The following CDH5 variants were observed in gnomAD, a reference collection of about 807,000 sequenced individuals.
The protein encoded by CDH5 is cadherin-5.
CDH5 carries 28 observed loss-of-function variants against 62.0 expected under a neutral mutation model. That is an observed-to-expected ratio of 0.45 (90% CI 0.33 to 0.62). The LOEUF is 0.62. Ranked by LOEUF, CDH5 falls within the 20% of genes least tolerant of loss-of-function variation. The pLI is 0.02. For synonymous variants in CDH5, 464 were observed against 445.8 expected, an observed-to-expected ratio of 1.04 and a Z score of -0.52; for missense variants, 940 against 1,065.1, an observed-to-expected ratio of 0.88 and a Z score of 1.63.
In CDH5 at chr16:66,386,827, C is replaced by T. The variant is rs1342694698; in HGVS notation, c.229C>T (p.Arg77Cys). ...HVGKIKSSVS[R>C]KNAKYLLKGE... is the part of the protein sequence containing the mutation. Reference sequence around the variant, plus strand: ...TTTCTAGATCAAGTCAAGCGTGAGTCGCAAGAATGCCAAGTACCTGCTCAA... The same window carrying T: ...TTTCTAGATCAAGTCAAGCGTGAGTTGCAAGAATGCCAAGTACCTGCTCAA... Residue 77 changes from arginine (R) to cysteine (C), a missense_variant, in exon 3 of 12, where the codon CGC (arginine) becomes TGC (cysteine). Physicochemically the swap from Arg to Cys is radical, Grantham distance 180 (BLOSUM62 -3). Transcript: ENST00000341529. 8.7e-6 allele frequency: 14 copies of T among 1,610,938 alleles called. No individual in the cohort carries two copies. Among genetic ancestry groups the T allele is most frequent in the Admixed American group, 5.0e-5 (3 of 59,718 alleles).
At chr16:66,397,575 T>C (rs1182902301) in intron 8 of CDH5, among the ~76,000 whole-genome samples, 2 of 152,188 alleles carry the variant, frequency 1.3e-5, no homozygotes, top group Non-Finnish European at 2.9e-5. Flanking sequence ...GCATTGTCAG[T>C]GGCCATCCAT....
rs766449573 is a variant in CDH5 at position 66,392,222 on chromosome 16, C to T, written c.1056C>T (p.Pro352=). The T allele has an allele frequency of 1.8e-5, 29 of 1,614,008 alleles. No homozygotes were observed. The highest frequency in any genetic ancestry group is 1.2e-4 in the South Asian group (11 of 91,070). Residue 352 remains proline (P), a synonymous_variant, in exon 7 of 12, where the codon CCC becomes CCT. Transcript: ENST00000341529. ...TCGACCTCCGATACATGAGCCCTCC[C>T]GCGGGAAACAGAGCCCAGGTCATTA... ...PTIDLRYMSP[P]AGNRAQVIIN...
In CDH5 at chr16:66,402,746, C is replaced by T. The variant is rs781720768; in HGVS notation, c.1932C>T (p.Thr644=). 1.9e-6 allele frequency: 3 copies of T among 1,609,838 alleles called. No homozygotes were observed. The highest frequency in any genetic ancestry group is 2.5e-6 in the Non-Finnish European group (3 of 1,178,936). ...CGGAGATCCACGAGCAGCTGGTCAC[C>T]TACGACGAGGAGGGCGGCGGCGAGA... The part of the protein sequence containing the change: ...SVPEIHEQLV[T]YDEEGGGEMD... The change falls in exon 12 of 12, where the codon ACC becomes ACT. Residue 644 remains threonine (T), a synonymous_variant. Transcript: ENST00000341529.
intron 1 of CDH5, among the ~76,000 whole-genome samples, chr16:66,372,252 C>T (rs1196382461): frequency 6.6e-6 from 1 of 152,246 alleles, no homozygotes; most frequent in African/African-American, 2.4e-5. Context: ...TCCCTCTCTC[C>T]CACGGAAGTG....
At chr16:66,398,212 G>C in intron 9 of CDH5, 106 bp downstream of exon 9, 2 of 1,342,498 alleles carry the variant, frequency 1.5e-6, no homozygotes, top group Non-Finnish European at 2.1e-6. Context: ...CAATAGCCTT[G>C]AGGAAAATAA....
intron 9 of CDH5, 43 bp from the exon 10 acceptor site, chr16:66,398,413 C>G: frequency 8.0e-7 from 1 of 1,251,654 alleles, no homozygotes; most frequent in Non-Finnish European, 1.2e-6. Context: ...CACCCCACCA[C>G]CCCACCACCA....
chr16:66,402,806 C>G lies in CDH5; in HGVS notation c.1992C>G (p.Asn664Lys). ...CCAGCTACGATGTGTCGGTGCTCAA[C>G]TCGGTGCGCCGCGGCGGGGCCAAGC... The part of the protein sequence containing the change: ...DTTSYDVSVL[N>K]SVRRGGAKPP... The change falls in exon 12 of 12, where the codon AAC becomes AAG. Residue 664 changes from asparagine to lysine, a missense_variant. Asn to Lys is a moderately conservative substitution (Grantham distance 94, BLOSUM62 0). Coordinates refer to ENST00000341529, the MANE Select transcript of CDH5 (RefSeq NM_001795.5). The G allele has an allele frequency of 6.2e-7, 1 of 1,601,326 alleles. No individual in the cohort carries two copies. The highest frequency in any genetic ancestry group is 8.5e-7 in the Non-Finnish European group (1 of 1,174,858).
At chr16:66,389,289 G>A (rs1461647816) in intron 4 of CDH5, 69 bp from the exon 5 acceptor site, 1 of 1,498,218 alleles carries the variant, frequency 6.7e-7, no homozygotes, top group Non-Finnish European at 9.1e-7. Context: ...GGTTCTCTCT[G>A]GGCAGGCCCT....
In CDH5 at chr16:66,392,391, G is replaced by C; in HGVS notation, c.1217+8G>C. 6.2e-7 allele frequency: 1 copy of C among 1,613,958 alleles called. No individual in the cohort carries two copies. Among genetic ancestry groups the C allele is most frequent in the Non-Finnish European group, 8.5e-7 (1 of 1,179,880 alleles). ...GGCTAGGCATAGCATTGGGTAAGGG[G>C]GCGTGTGTCGATGAGAATGATAAGG... On this transcript the variant is annotated splice_region_variant and intron_variant, in intron 7 of 11. Transcript: ENST00000341529.
At chr16:66,378,487 C>CA (rs1298553251) in intron 1 of CDH5, among the ~76,000 whole-genome samples, 10 of 152,088 alleles carry the variant, frequency 6.6e-5, no homozygotes, top group Admixed American at 6.5e-5. Context: ...CAGTGCCAGG[C>CA]AAAAAATAAA....
At position 66,402,844 on chromosome 16, in the gene CDH5, C is replaced by A. The variant is rs1201962235; in HGVS notation, c.2030C>A (p.Ala677Glu). The change falls in exon 12 of 12, where the codon GCG (alanine) becomes GAG (glutamate). Residue 677 changes from alanine to glutamate, a missense_variant. Ala to Glu is a moderately radical substitution (Grantham distance 107). Transcript: ENST00000341529. ...GGCGGGGCCAAGCCCCCGCGGCCCG[C>A]GCTGGACGCCCGGCCTTCCCTCTAT... ...RRGGAKPPRP[A>E]LDARPSLYAQ... 1 of 1,600,880 alleles carries A rather than the reference C, an allele frequency of 6.2e-7. No homozygotes were observed. Among genetic ancestry groups the A allele is most frequent in the Non-Finnish European group, 8.5e-7 (1 of 1,174,670 alleles).
intron 10 of CDH5, among the ~76,000 whole-genome samples, chr16:66,399,604 A>AT (rs1961246677): frequency 1.3e-5 from 2 of 152,212 alleles, no homozygotes; most frequent in Admixed American, 6.5e-5. Context: ...AGACCATTCA[A>AT]CACCCAGTTG....
chr16:66,403,404 T>A lies in CDH5; in HGVS notation c.*235T>A, dbSNP rs904303581. ...TGCTGGCAAATCCAGGCTGGTGTTC[T>A]GTCTGGGCTCAGACATCCACATAAC... On this transcript the variant is annotated 3_prime_UTR_variant, in exon 12 of 12. Coordinates refer to ENST00000341529, the MANE Select transcript of CDH5 (RefSeq NM_001795.5). This position sits in a 1 kb window ranked among gnomAD's most constrained non-coding sequence, Gnocchi z 4.3. The A allele has an allele frequency of 8.9e-6, 5 of 558,858 alleles. No homozygotes were observed. The highest frequency in any genetic ancestry group is 1.3e-5 in the Non-Finnish European group (4 of 311,718). 34.6% of individuals were successfully genotyped at this position (558,858 alleles called of 1,614,324 possible).
chr16:66,376,477 G>A (rs532333326), intron 1 of CDH5: 27 of 152,300 alleles, frequency 1.8e-4, no homozygotes, highest in Non-Finnish European at 2.5e-4. Context: ...GGGGTTCCCA[G>A]CAGGAAACAG....
chr16:66,395,925 G>C, intron 7 of CDH5, 134 bp from the exon 8 acceptor site: 1 of 800,622 alleles, frequency 1.2e-6, no homozygotes, highest in Admixed American at 2.7e-5. Context: ...GAGTGGCAGA[G>C]TGCAATGAGC....
At position 66,396,189 on chromosome 16, in the gene CDH5, C is replaced by A. The variant is rs1398475127; in HGVS notation, c.1348C>A (p.Leu450Met). 1.9e-6 allele frequency: 3 copies of A among 1,614,116 alleles called. No homozygotes were observed. The Admixed American group carries it at 5.0e-5, about 27-fold the overall frequency. Reference protein sequence around the residue: ...WYNLTVEAKELDSTGTPTGKE... With the variant: ...WYNLTVEAKEMDSTGTPTGKE... ...TAACCTGACTGTGGAGGCCAAAGAA[C>A]TGGATTCCACTGGTGAGTGGCCACA... is the stretch of plus-strand genomic sequence containing the variant. The change falls in exon 8 of 12, where the codon CTG becomes ATG. Residue 450 changes from leucine (L) to methionine (M), a missense_variant. By Grantham distance (15) the Leu-to-Met change is conservative. Coordinates refer to ENST00000341529, the MANE Select transcript of CDH5 (RefSeq NM_001795.5).
intron 10 of CDH5, among the ~76,000 whole-genome samples, chr16:66,400,513 C>A (rs181912686): frequency 5.3e-4 from 81 of 152,330 alleles, no homozygotes; most frequent in Admixed American, 8.5e-4. Flanking sequence ...CCCACAAATA[C>A]AGAAAGCAAA....
Position 66,379,464 on chromosome 16 carries a change from C to T in CDH5, c.127C>T (p.Arg43Trp), listed in dbSNP as rs145261593. The T allele has an allele frequency of 5.9e-5, 95 of 1,614,162 alleles. No homozygotes were observed. In the African/African-American group the frequency reaches 6.5e-4, roughly 11 times the overall value. The change falls in exon 2 of 12, where the codon CGG (arginine) becomes TGG (tryptophan). Residue 43 changes from arginine (R) to tryptophan (W), a missense_variant. Physicochemically the swap from Arg to Trp is moderately radical, Grantham distance 101. Coordinates refer to ENST00000341529, the MANE Select transcript of CDH5 (RefSeq NM_001795.5). ...RDTHSLLPTH[R>W]RQKRDWIWNQ... ...CACCCACAGCCTGCTGCCCACCCAC[C>T]GGCGCCAAAAGAGAGATTGGATTTG...
intron 7 of CDH5, among the ~76,000 whole-genome samples, chr16:66,394,019 A>G (rs1009174949): frequency 3.3e-5 from 5 of 151,494 alleles, no homozygotes; most frequent in African/African-American, 1.2e-4. Flanking sequence ...TGATTTCTTT[A>G]TTTTCATTTA....
Sources: gnomAD v4.1 joint callset for allele counts (sites outside exome capture counted in the v4.1 genomes callset) on GRCh38, gnomAD v4.1.1 for gene constraint, Gnocchi (gnomAD v3.1) non-coding constraint, MANE v1.5 for transcripts, NCBI Gene and HGNC (gene_info 2026-07-23, HGNC 2026-07-21) for gene names.